The following DTNBP1 variants were observed in gnomAD, a reference collection of about 807,000 sequenced individuals.
DTNBP1 encodes the protein dysbindin.
DTNBP1 carries 35 observed loss-of-function variants against 42.8 expected under a neutral mutation model. The ratio of observed to expected loss-of-function variants is 0.82; its 90% CI spans 0.63 to 1.09. DTNBP1 has a LOEUF of 1.09. Among genes scored for constraint, DTNBP1 ranks in the 50% least tolerant of loss-of-function variants. DTNBP1 has a pLI of 0.00. For missense variants in DTNBP1, 457 were observed against 424.2 expected (o/e 1.08, Z -0.68); for synonymous variants, 171 against 162.2 (o/e 1.05, Z -0.41).
intron 3 of DTNBP1, among the ~76,000 whole-genome samples, chr6:15,643,083 C>T (rs977238785): frequency 5.3e-5 from 8 of 152,172 alleles, no homozygotes; most frequent in African/African-American, 1.9e-4. Context: ...TGATTCAGCA[C>T]ATGATAGACA....
intron 7 of DTNBP1, among the ~76,000 whole-genome samples, chr6:15,581,079 G>C (rs751018743): frequency 1.3e-5 from 2 of 152,148 alleles, no homozygotes; most frequent in Admixed American, 6.5e-5. Context: ...GCTCATAAAC[G>C]GACTCTACAT....
intron 5 of DTNBP1, among the ~76,000 whole-genome samples, chr6:15,615,742 A>G (rs1315696413): frequency 6.6e-6 from 1 of 152,254 alleles, no homozygotes; most frequent in Non-Finnish European, 1.5e-5. Flanking sequence ...TCACATAAGA[A>G]TATGGTAAAA....
At chr6:15,661,215 G>A (rs181773147) in intron 1 of DTNBP1, among the ~76,000 whole-genome samples, 1 of 152,338 alleles carries the variant, frequency 6.6e-6, no homozygotes, top group East Asian at 1.9e-4. Flanking sequence ...GAGGCTGGGC[G>A]CAGTGACTAA....
chr6:15,655,812 A>T (rs1381013849), intron 1 of DTNBP1, among the ~76,000 whole-genome samples: 1 of 152,202 alleles, frequency 6.6e-6, no homozygotes, highest in Non-Finnish European at 1.5e-5. Flanking sequence ...ATTTTCTAAA[A>T]TAACATCCTC....
chr6:15,549,940 G>A (rs1260860187), intron 7 of DTNBP1, among the ~76,000 whole-genome samples: 1 of 152,088 alleles, frequency 6.6e-6, no homozygotes, highest in Non-Finnish European at 1.5e-5. Flanking sequence ...CTTGCCCCTT[G>A]ACCCAAGCCG....
chr6:15,627,861 C>T (rs918698957), intron 4 of DTNBP1, among the ~76,000 whole-genome samples: 5 of 150,858 alleles, frequency 3.3e-5, no homozygotes, highest in Non-Finnish European at 5.9e-5. Flanking sequence ...ACATAATTAA[C>T]GGGTAATTAT....
chr6:15,626,282 A>T (rs1759340955), intron 5 of DTNBP1, among the ~76,000 whole-genome samples: 1 of 152,196 alleles, frequency 6.6e-6, no homozygotes, highest in African/African-American at 2.4e-5. Context: ...AGTATCTGTA[A>T]ATCATCTAAT....
intron 7 of DTNBP1, among the ~76,000 whole-genome samples, chr6:15,591,413 C>T (rs529019844): frequency 1.3e-5 from 2 of 152,042 alleles, no homozygotes; most frequent in South Asian, 4.2e-4. Context: ...GCCCAGGCCA[C>T]GTTTTAAAAA....
At position 15,662,971 on chromosome 6, in the gene DTNBP1, C is replaced by G. The variant is rs1173164061; in HGVS notation, c.-102G>C. On this transcript the variant is annotated 5_prime_UTR_variant, in exon 1 of 10. Transcript: ENST00000344537. ...AACCCCGCGCTGTCACCGCGCGCCC[C>G]GCACTCCCACTACCGGCCCCGCCCC... 2.6e-6 allele frequency: 4 copies of G among 1,510,582 alleles called. No homozygotes were observed. The highest frequency in any genetic ancestry group is 3.4e-5 in the Admixed American group (2 of 58,296). The allele number at this position is 1,510,582 out of a possible 1,614,324, so 93.6% of individuals were successfully genotyped here. A position where few individuals can be genotyped will look rare whatever the true frequency, so the allele number is the denominator to read the frequency against.
At chr6:15,629,711 A>G (rs1256503609) in intron 4 of DTNBP1, among the ~76,000 whole-genome samples, 1 of 152,182 alleles carries the variant, frequency 6.6e-6, no homozygotes, top group Non-Finnish European at 1.5e-5. Context: ...AACTCTATAC[A>G]CTAAGCAATA....
chr6:15,549,491 TAAAAAAAAAAAAAAAAA>T (rs1171397685), intron 7 of DTNBP1, among the ~76,000 whole-genome samples: 1 of 77,954 alleles, frequency 1.3e-5, no homozygotes, highest in Non-Finnish European at 2.6e-5. Context: ...TCTCAGGGAT[TAAAAAAAAAAAAAAAAA>T]AAAAAAAAAG....
At chr6:15,546,710 G>A (rs1446590653) in intron 7 of DTNBP1, among the ~76,000 whole-genome samples, 3 of 152,112 alleles carry the variant, frequency 2.0e-5, no homozygotes, top group Non-Finnish European at 1.5e-5. Flanking sequence ...GAGGTTAAGG[G>A]TACGGTGTGG....
intron 7 of DTNBP1, among the ~76,000 whole-genome samples, chr6:15,575,285 T>C (rs1775513690): frequency 6.6e-6 from 1 of 152,176 alleles, no homozygotes; most frequent in Non-Finnish European, 1.5e-5. Context: ...CAAAATCCTC[T>C]GAAGGTAATT....
At chr6:15,661,986 A>C (rs1761662761) in intron 1 of DTNBP1, among the ~76,000 whole-genome samples, 1 of 152,110 alleles carries the variant, frequency 6.6e-6, no homozygotes, top group Non-Finnish European at 1.5e-5. Context: ...TGCCTAGGCA[A>C]TCTGGCGCCA....
At chr6:15,643,109 G>T (rs370721547) in intron 3 of DTNBP1, among the ~76,000 whole-genome samples, 1 of 152,212 alleles carries the variant, frequency 6.6e-6, no homozygotes, top group Non-Finnish European at 1.5e-5. Flanking sequence ...GCTATATTAC[G>T]AGAGAAACAA....
chr6:15,540,243 A>C (rs1773480742), intron 7 of DTNBP1, among the ~76,000 whole-genome samples: 1 of 152,220 alleles, frequency 6.6e-6, no homozygotes, highest in Non-Finnish European at 1.5e-5. Flanking sequence ...GTTTCACTTC[A>C]GTTGTCAACA....
At chr6:15,659,820 G>A (rs1177747029) in intron 1 of DTNBP1, among the ~76,000 whole-genome samples, 1 of 152,054 alleles carries the variant, frequency 6.6e-6, no homozygotes, top group East Asian at 1.9e-4. Context: ...CCAAAGTGCT[G>A]GGATTACAGG....
intron 9 of DTNBP1, chr6:15,524,176 C>T: frequency 6.9e-7 from 1 of 1,452,966 alleles, no homozygotes; most frequent in Non-Finnish European, 9.1e-7. Flanking sequence ...CCCGTGAGCC[C>T]CGCAGGAGAG....
chr6:15,622,317 T>G (rs1025133254), intron 5 of DTNBP1, among the ~76,000 whole-genome samples: 2 of 152,184 alleles, frequency 1.3e-5, no homozygotes, highest in African/African-American at 4.8e-5. Context: ...AATTTTCCAT[T>G]TTAACACTTA....
Sources: allele counts gnomAD v4.1 joint callset (sites outside exome capture counted in the v4.1 genomes callset), GRCh38; gene constraint gnomAD v4.1.1; transcripts MANE v1.5; gene names NCBI Gene and HGNC (gene_info 2026-07-23, HGNC 2026-07-21).